FHOD3: variants seen among roughly 807,000 people sequenced by gnomAD.
FHOD3 encodes the protein formin homology 2 domain containing 3, also known as FH1/FH2 domain-containing protein 3.
FHOD3 carries 90 observed loss-of-function variants against 173.0 expected under a neutral mutation model. The observed-to-expected ratio is 0.52, with a 90% CI of 0.44 to 0.62. The LOEUF (loss-of-function observed/expected upper bound fraction) is 0.62. FHOD3 is among the 20% of genes least tolerant of loss of function. FHOD3 has a pLI of 0.00. For synonymous variants in FHOD3, 828 were observed against 823.0 expected (o/e 1.01, Z -0.10); for missense variants, 1,945 against 2,034.7 (o/e 0.96, Z 0.85).
intron 10 of FHOD3, among the ~76,000 whole-genome samples, chr18:36,644,252 T>G (rs2035530801): frequency 1.3e-5 from 2 of 152,228 alleles, no homozygotes; most frequent in African/African-American, 2.4e-5. Context: ...CCAGAATTCC[T>G]TAGCACAATA....
At chr18:36,779,376 T>C (rs774030253) in intron 28 of FHOD3, 72 bp from the exon 29 acceptor site, 251 of 1,416,148 alleles carry the variant, frequency 1.8e-4, no homozygotes, top group Non-Finnish European at 2.4e-4. Flanking sequence ...GAGTCTTGAC[T>C]GCCCTGTGCC....
chr18:36,570,870 C>G (rs1199168819), intron 5 of FHOD3, among the ~76,000 whole-genome samples: 1 of 152,020 alleles, frequency 6.6e-6, no homozygotes, highest in Non-Finnish European at 1.5e-5. Flanking sequence ...ACTTTCTCAT[C>G]TTGATAAAAG....
intron 1 of FHOD3, among the ~76,000 whole-genome samples, chr18:36,347,224 C>T (rs2072008718): frequency 6.6e-6 from 1 of 152,204 alleles, no homozygotes; most frequent in Non-Finnish European, 1.5e-5. Flanking sequence ...TGCCTATAGA[C>T]ATAAGTAAAA....
At chr18:36,758,614 G>A (rs1353496733) in intron 25 of FHOD3, among the ~76,000 whole-genome samples, 2 of 152,186 alleles carry the variant, frequency 1.3e-5, no homozygotes, top group Non-Finnish European at 2.9e-5. Flanking sequence ...AGCAGCCTGG[G>A]CAGGGAGGGA....
chr18:36,616,873 G>A (rs2033250559), intron 9 of FHOD3, among the ~76,000 whole-genome samples: 1 of 152,220 alleles, frequency 6.6e-6, no homozygotes, highest in South Asian at 2.1e-4. Context: ...CTATCGAGGT[G>A]CAGATGGATC....
chr18:36,337,330 C>T (rs893950932), intron 1 of FHOD3, among the ~76,000 whole-genome samples: 2 of 152,188 alleles, frequency 1.3e-5, no homozygotes, highest in African/African-American at 4.8e-5. Flanking sequence ...CCCAAACACA[C>T]CAGACCTGGT....
At chr18:36,526,646 A>G (rs985247904) in intron 5 of FHOD3, among the ~76,000 whole-genome samples, 11 of 152,040 alleles carry the variant, frequency 7.2e-5, no homozygotes, top group African/African-American at 2.7e-4. Flanking sequence ...CAGGTAATCC[A>G]CCTGCCTCAG....
chr18:36,502,767 C>T (rs1024491477), intron 4 of FHOD3, among the ~76,000 whole-genome samples: 2 of 152,128 alleles, frequency 1.3e-5, no homozygotes, highest in Admixed American at 6.5e-5. Flanking sequence ...CCATCCCAAA[C>T]AACCTCTTTC....
At chr18:36,352,252 A>G (rs1471095701) in intron 1 of FHOD3, among the ~76,000 whole-genome samples, 1 of 152,206 alleles carries the variant, frequency 6.6e-6, no homozygotes, top group African/African-American at 2.4e-5. Flanking sequence ...GCTACAAAAA[A>G]ATAGTAATAA....
At chr18:36,777,961 T>C (rs2043809097) in intron 28 of FHOD3, 1 of 152,240 alleles carries the variant, frequency 6.6e-6, no homozygotes, top group Non-Finnish European at 1.5e-5. Context: ...TTTGATTCTT[T>C]GAGTTAAATG....
At chr18:36,665,584 G>C (rs953483273) in intron 14 of FHOD3, among the ~76,000 whole-genome samples, 8 of 151,624 alleles carry the variant, frequency 5.3e-5, no homozygotes, top group African/African-American at 1.9e-4. Context: ...GGCCTGGTGG[G>C]GGGGCAGGGA....
intron 5 of FHOD3, among the ~76,000 whole-genome samples, chr18:36,514,291 G>A (rs952435387): frequency 2.6e-5 from 4 of 152,092 alleles, no homozygotes; most frequent in African/African-American, 4.8e-5. Context: ...TTACAGGTGT[G>A]AGCCACTGCA....
Position 36,371,526 on chromosome 18 carries a change from T to C in FHOD3, c.273-1154T>C, listed in dbSNP as rs188744972. Among the ~76,000 whole-genome samples, 466 of 152,288 alleles carry C rather than the reference T, an allele frequency of 3.1e-3. 3 individuals are homozygous for C. The highest frequency in any genetic ancestry group is 0.01 in the African/African-American group (435 of 41,560). On this transcript the variant is annotated intron_variant, in intron 2 of 28. Transcript: ENST00000590592. ...GCCCCTGTGATTCAGTTACCTCCCA[T>C]GACTTTTGGGGATTATGGGAGCTAC...
chr18:36,362,811 TG>T (rs1423848785), intron 2 of FHOD3, among the ~76,000 whole-genome samples: 1 of 152,226 alleles, frequency 6.6e-6, no homozygotes, highest in Non-Finnish European at 1.5e-5. Context: ...TTAAAATTTT[TG>T]ACTATATTTT....
intron 16 of FHOD3, 91 bp from the exon 17 acceptor site, chr18:36,693,118 G>T: frequency 1.5e-6 from 2 of 1,302,416 alleles, no homozygotes; most frequent in Non-Finnish European, 2.2e-6. Context: ...TCAGGAAACC[G>T]GCTCATTCTG....
chr18:36,433,775 A>G (rs1484247022), intron 3 of FHOD3, among the ~76,000 whole-genome samples: 1 of 149,908 alleles, frequency 6.7e-6, no homozygotes, highest in Non-Finnish European at 1.5e-5. Flanking sequence ...ATGGTGTGTG[A>G]TCTGTGTGCT....
At position 36,730,754 on chromosome 18, in the gene FHOD3, A is replaced by T. The variant is rs1223906302; in HGVS notation, c.3526A>T (p.Ile1176Phe). 3 of 1,614,162 alleles carry T rather than the reference A, an allele frequency of 1.9e-6. No individual in the cohort carries two copies. The highest frequency in any genetic ancestry group is 2.5e-6 in the Non-Finnish European group (3 of 1,180,026). The change falls in exon 20 of 29, where the codon ATC becomes TTC. Residue 1176 changes from isoleucine (I) to phenylalanine (F), a missense_variant. By Grantham distance (21) the Ile-to-Phe change is conservative. This residue lies in a region of FHOD3 where 231 missense variants were observed against 321.9 expected (regional missense o/e 0.72). Coordinates refer to ENST00000590592, the MANE Select transcript of FHOD3 (RefSeq NM_001281740.3). ...GCTGCCCCCTCCAAGGACGATTAAG[A>T]TCGCCATTTTGAATTTTGATGAGTA... ...TVLPPPRTIK[I>F]AILNFDEYAL...
At chr18:36,552,992 C>T (rs1367302458) in intron 5 of FHOD3, among the ~76,000 whole-genome samples, 7 of 152,244 alleles carry the variant, frequency 4.6e-5, no homozygotes, top group African/African-American at 1.2e-4. Flanking sequence ...AGATATGTCC[C>T]ATCAATACCT....
intron 2 of FHOD3, 57 bp downstream of exon 2, chr18:36,355,702 C>T: frequency 2.9e-6 from 4 of 1,385,408 alleles, no homozygotes; most frequent in South Asian, 2.3e-5. Flanking sequence ...AATGGGGGTA[C>T]ATTGAGGCCT....
Sources: gnomAD v4.1 joint callset for allele counts (sites outside exome capture counted in the v4.1 genomes callset) on GRCh38, gnomAD v4.1.1 for gene constraint, gnomAD v4.1.1 regional missense constraint, MANE v1.5 for transcripts, NCBI Gene and HGNC (gene_info 2026-07-23, HGNC 2026-07-21) for gene names.